Variants in DNAAF5 observed in about 807,000 individuals in gnomAD.
DNAAF5 encodes HEAT repeat containing 2.
Under a neutral mutation model 75.8 loss-of-function variants are expected in DNAAF5, and 64 were observed. The ratio of observed to expected loss-of-function variants is 0.84; its 90% CI spans 0.69 to 1.04. DNAAF5 has a LOEUF of 1.04. Among genes scored for constraint, DNAAF5 ranks in the 50% least tolerant of loss-of-function variants. The pLI is 0.00. For missense variants in DNAAF5, 1,269 were observed against 1,178.5 expected, an observed-to-expected ratio of 1.08 and a Z score of -1.12; for synonymous variants, 657 against 557.2, an observed-to-expected ratio of 1.18 and a Z score of -2.52.
intron 6 of DNAAF5, among the ~76,000 whole-genome samples, chr7:761,229 G>A (rs1782632195): frequency 7.0e-6 from 1 of 142,274 alleles, no homozygotes; most frequent in Admixed American, 7.3e-5. Context: ...TGGTTGACAT[G>A]CCGGCACCCT....
At chr7:781,982 G>A (rs1778963287) in intron 12 of DNAAF5, among the ~76,000 whole-genome samples, 1 of 152,256 alleles carries the variant, frequency 6.6e-6, no homozygotes, top group Non-Finnish European at 1.5e-5. Context: ...TCCCTTTGCT[G>A]TGTGGAAGCT....
At chr7:729,913 T>C (rs1349452777) in intron 2 of DNAAF5, 66 bp downstream of exon 2, 1 of 1,481,588 alleles carries the variant, frequency 6.7e-7, no homozygotes, top group Non-Finnish European at 9.3e-7. Context: ...CGTGCTGTTT[T>C]TAACTAACTC....
chr7:769,084 T>C, intron 8 of DNAAF5: 1 of 721,358 alleles, frequency 1.4e-6, no homozygotes, highest in Non-Finnish European at 2.5e-6. Flanking sequence ...AGCGAGTACA[T>C]TGCGTCTCCG....
chr7:729,937 T>G, intron 2 of DNAAF5, 90 bp downstream of exon 2: 1 of 1,297,034 alleles, frequency 7.7e-7, no homozygotes, highest in African/African-American at 1.4e-5. Flanking sequence ...TGTTCTTTTT[T>G]CAGAGTGCTG....
chr7:741,342 C>T lies in DNAAF5; in HGVS notation c.906-5C>T, dbSNP rs770784779. On this transcript the variant is annotated splice_polypyrimidine_tract_variant and splice_region_variant and intron_variant, in intron 3 of 12. Transcript: ENST00000297440. ...AGCCACTGTTGTCTGTCTGTTGTGC[C>T]TCAGGCAGCTGGCTGCCAGCCTCTG... 11 of 1,584,224 alleles carry T rather than the reference C, an allele frequency of 6.9e-6. No homozygotes were observed. The highest frequency in any genetic ancestry group is 2.3e-5 in the East Asian group (1 of 43,888).
chr7:734,079 A>G (rs979231390), intron 2 of DNAAF5, among the ~76,000 whole-genome samples: 5 of 152,174 alleles, frequency 3.3e-5, no homozygotes, highest in Admixed American at 6.5e-5. Context: ...TTCCTTTTCA[A>G]TTTGGATTCC....
chr7:770,662 G>A (rs768120948), intron 9 of DNAAF5, 44 bp downstream of exon 9: 144 of 1,589,732 alleles, frequency 9.1e-5, no homozygotes, highest in Non-Finnish European at 1.2e-4. Flanking sequence ...GCTGGGGCCT[G>A]GGCCAGGGGT....
Position 746,315 on chromosome 7 carries a change from C to T in DNAAF5, c.1024+4850C>T, listed in dbSNP as rs567631778. On this transcript the variant is annotated intron_variant, in intron 4 of 12. Transcript: ENST00000297440. ...GCCCAGGCTCTGTGTCCTCACTTTC[C>T]CCCGCCCGTCATGCCCAGGGCCTGT... 7.4e-4 allele frequency among the ~76,000 whole-genome samples: 101 copies of T among 136,140 alleles called. 2 individuals are homozygous for T. Among genetic ancestry groups the T allele is most frequent in the African/African-American group, 2.7e-3 (97 of 36,276 alleles). 89.3% of individuals were successfully genotyped at this position (136,140 alleles called of 152,430 possible). A position where few individuals can be genotyped will look rare whatever the true frequency, so the allele number is the denominator to read the frequency against.
At chr7:740,751 G>A (rs528217842) in intron 2 of DNAAF5, 68 bp from the exon 3 acceptor site, 177 of 1,592,966 alleles carry the variant, frequency 1.1e-4, no homozygotes, top group Non-Finnish European at 1.3e-4. Flanking sequence ...ACTCAGAGCC[G>A]CACCGTGGCG....
At chr7:755,868 A>G (rs1782464065) in intron 5 of DNAAF5, among the ~76,000 whole-genome samples, 1 of 152,274 alleles carries the variant, frequency 6.6e-6, no homozygotes, top group Non-Finnish European at 1.5e-5. Flanking sequence ...TGTGGAACCT[A>G]CAGGAGAGCA....
intron 4 of DNAAF5, among the ~76,000 whole-genome samples, chr7:745,702 T>C (rs1782076563): frequency 6.6e-6 from 1 of 152,244 alleles, no homozygotes; most frequent in South Asian, 2.1e-4. Flanking sequence ...TGCACACGTG[T>C]GTACATGCAT....
At chr7:760,706 ATTCTT>A (rs1782617860) in intron 6 of DNAAF5, among the ~76,000 whole-genome samples, 1 of 152,218 alleles carries the variant, frequency 6.6e-6, no homozygotes, top group Non-Finnish European at 1.5e-5. Context: ...AGCCTTAGGA[ATTCTT>A]GGGTCCAGCA....
At chr7:781,017 T>TA (rs796625364) in intron 12 of DNAAF5, among the ~76,000 whole-genome samples, 7 of 152,312 alleles carry the variant, frequency 4.6e-5, no homozygotes, top group African/African-American at 1.7e-4. Context: ...TTCAAACACT[T>TA]ACACTTTCTT....
intron 2 of DNAAF5, among the ~76,000 whole-genome samples, chr7:739,386 G>A (rs879353539): frequency 5.9e-5 from 9 of 152,314 alleles, no homozygotes; most frequent in Middle Eastern, 3.4e-3. Flanking sequence ...ACCTGCCGGC[G>A]CCATGGGTGA....
At position 754,939 on chromosome 7, in the gene DNAAF5, C is replaced by A. The variant is rs62432239; in HGVS notation, c.1257+118C>A. 1.3e-6 allele frequency: 1 copy of A among 750,306 alleles called. No individual in the cohort carries two copies. Among genetic ancestry groups the A allele is most frequent in the Non-Finnish European group, 2.1e-6 (1 of 471,394 alleles). The allele number at this position is 750,306 out of a possible 1,614,324, so 46.5% of individuals were successfully genotyped here. On this transcript the variant is annotated intron_variant, in intron 5 of 12. Coordinates refer to ENST00000297440, the MANE Select transcript of DNAAF5 (RefSeq NM_017802.4). The surrounding 1 kb of genome is among the most constrained non-coding windows in gnomAD (Gnocchi z 4.8). ...GCCAAGACAGCGTTCCCCTCACCCC[C>A]GGGCCGCAGGCCCTCCCCACACCCA...
intron 4 of DNAAF5, among the ~76,000 whole-genome samples, chr7:748,455 A>G (rs1419860501): frequency 6.6e-6 from 1 of 152,180 alleles, no homozygotes; most frequent in Admixed American, 6.5e-5. Context: ...ACTGCCATCC[A>G]TTAAATCGAG....
intron 6 of DNAAF5, among the ~76,000 whole-genome samples, chr7:757,377 G>A (rs573150823): frequency 6.6e-6 from 1 of 152,244 alleles, no homozygotes; most frequent in African/African-American, 2.4e-5. Flanking sequence ...GGCCCATGCT[G>A]CTGGGGGTAG....
chr7:741,062 C>T (rs982513559), intron 3 of DNAAF5, 119 bp downstream of exon 3: 2 of 1,215,488 alleles, frequency 1.6e-6, no homozygotes, highest in African/African-American at 3.0e-5. Flanking sequence ...TCCCTGTGCT[C>T]CGAAGGGATG....
intron 8 of DNAAF5, chr7:768,433 AGTGG>A (rs1562395089): frequency 3.4e-5 from 5 of 145,328 alleles, no homozygotes; most frequent in African/African-American, 1.3e-4. Context: ...CTGTGCTGCG[AGTGG>A]GCGCTCCGGC....
Sources: allele counts gnomAD v4.1 joint callset (sites outside exome capture counted in the v4.1 genomes callset), GRCh38; gene constraint gnomAD v4.1.1; non-coding constraint Gnocchi (gnomAD v3.1); transcripts MANE v1.5; gene names NCBI Gene and HGNC (gene_info 2026-07-23, HGNC 2026-07-21).